Variants in SEPTIN2 observed in about 807,000 individuals in gnomAD.
The protein encoded by SEPTIN2 is septin-2.
Under a neutral mutation model 46.5 loss-of-function variants are expected in SEPTIN2, and 34 were observed. The ratio of observed to expected loss-of-function variants is 0.73; its 90% CI spans 0.56 to 0.97. The LOEUF is 0.97. Among genes scored for constraint, SEPTIN2 ranks in the 50% least tolerant of loss-of-function variants. The probability of loss-of-function intolerance (pLI) is 0.00; values close to 1 mark genes in which losing one functional copy is unlikely to be tolerated. For missense variants in SEPTIN2, 347 were observed against 448.4 expected, an observed-to-expected ratio of 0.77 and a Z score of 2.04; for synonymous variants, 175 against 153.4, an observed-to-expected ratio of 1.14 and a Z score of -1.04.
At chr2:241,345,097 G>A (rs897880557) in intron 9 of SEPTIN2, among the ~76,000 whole-genome samples, 5 of 151,802 alleles carry the variant, frequency 3.3e-5, no homozygotes, top group African/African-American at 1.2e-4. Flanking sequence ...TGGGCAACAA[G>A]AGCAAGACTT....
At chr2:241,350,437 C>G (rs2060682197) in intron 12 of SEPTIN2, among the ~76,000 whole-genome samples, 1 of 151,646 alleles carries the variant, frequency 6.6e-6, no homozygotes, top group Non-Finnish European at 1.5e-5. Context: ...TAAATAATTT[C>G]AACTTTTATT....
chr2:241,342,958 G>A, intron 7 of SEPTIN2, 34 bp from the exon 8 acceptor site: 1 of 1,227,256 alleles, frequency 8.1e-7, no homozygotes, highest in Non-Finnish European at 1.2e-6. Context: ...TACGCAGTTT[G>A]CTAAAATTGA....
At position 241,337,455 on chromosome 2, in the gene SEPTIN2, C is replaced by T. The variant is rs746517617; in HGVS notation, c.415C>T (p.Arg139Trp). 1.2e-6 allele frequency: 2 copies of T among 1,613,898 alleles called. No individual in the cohort carries two copies. The highest frequency in any genetic ancestry group is 1.7e-6 in the Non-Finnish European group (2 of 1,179,890). The change falls in exon 6 of 13, where the codon CGG becomes TGG. Residue 139 changes from arginine to tryptophan, a missense_variant. Coordinates refer to ENST00000391971, the MANE Select transcript of SEPTIN2 (RefSeq NM_004404.5). ...YLHDESGLNR[R>W]HIIDNRVHCC... ...GCATGACGAGAGCGGCTTGAACAGG[C>T]GGCACATCATTGATAATAGGGTGCA...
intron 1 of SEPTIN2, among the ~76,000 whole-genome samples, chr2:241,323,595 G>C (rs2077470601): frequency 6.6e-6 from 1 of 152,150 alleles, no homozygotes; most frequent in Admixed American, 6.5e-5. Flanking sequence ...AATGATAGAT[G>C]CTTGTCTTAT....
intron 3 of SEPTIN2, among the ~76,000 whole-genome samples, chr2:241,330,142 G>A (rs925718463): frequency 3.3e-5 from 5 of 151,966 alleles, no homozygotes; most frequent in Non-Finnish European, 7.4e-5. Context: ...AAATCTTACC[G>A]AGTCCAGCAA....
rs2060887050 is a variant in SEPTIN2, at chr2:241,352,915, G to A, written c.*978G>A. 1 of 152,188 alleles carries A rather than the reference G, an allele frequency of 6.6e-6. No homozygotes were observed. The highest frequency in any genetic ancestry group is 2.4e-5 in the African/African-American group (1 of 41,426). The allele number at this position is 152,188 out of a possible 1,614,324, so 9.4% of individuals were successfully genotyped here. The stretch of plus-strand genomic sequence containing the variant: ...TTTAGTGTATTTTCTGTCACTGTAG[G>A]TATAGAAGATCTGCCTCCCCTGTGG... On this transcript the variant is annotated 3_prime_UTR_variant, in exon 13 of 13. Transcript: ENST00000391971.
chr2:241,343,345 A>C (rs1273491687), intron 8 of SEPTIN2, among the ~76,000 whole-genome samples: 1 of 152,138 alleles, frequency 6.6e-6, no homozygotes, highest in East Asian at 1.9e-4. Context: ...TCAAAAATAC[A>C]AAAATTAGGT....
chr2:241,329,081 A>C (rs2078525424), intron 3 of SEPTIN2, among the ~76,000 whole-genome samples: 1 of 152,042 alleles, frequency 6.6e-6, no homozygotes, highest in South Asian at 2.1e-4. Context: ...GGGGAGTAGA[A>C]GTAATGTAAA....
At chr2:241,348,236 T>C in intron 11 of SEPTIN2, 45 bp downstream of exon 11, 1 of 1,563,940 alleles carries the variant, frequency 6.4e-7, no homozygotes, top group South Asian at 1.1e-5. Context: ...TTGGTTGTTT[T>C]GTTTGTTTTG....
intron 1 of SEPTIN2, chr2:241,316,396 T>TCCCGACAAACA: frequency 9.3e-7 from 1 of 1,073,024 alleles, no homozygotes; most frequent in Non-Finnish European, 1.3e-6. Context: ...ATCTTGTCTT[T>TCCCGACAAACA]CTAACGGTGC....
chr2:241,331,144 A>T (rs951032094), intron 3 of SEPTIN2, among the ~76,000 whole-genome samples: 9 of 152,180 alleles, frequency 5.9e-5, no homozygotes, highest in Non-Finnish European at 1.2e-4. Flanking sequence ...ATGCCACTGC[A>T]CTCCAGCCTG....
chr2:241,320,134 C>T (rs776323073), intron 1 of SEPTIN2: 3 of 442,292 alleles, frequency 6.8e-6, no homozygotes, highest in Non-Finnish European at 9.4e-6. Flanking sequence ...TTTCTTATGT[C>T]TCCATCTGGG....
At chr2:241,338,976 ATATAAATATATT>A (rs1388680445) in intron 7 of SEPTIN2, among the ~76,000 whole-genome samples, 1 of 110,556 alleles carries the variant, frequency 9.0e-6, no homozygotes, top group African/African-American at 3.6e-5. Context: ...TAAATATAAT[ATATAAATATATT>A]TATAAATATA....
chr2:241,325,589 CCATT>C (rs1435674713), intron 2 of SEPTIN2, among the ~76,000 whole-genome samples: 2 of 152,110 alleles, frequency 1.3e-5, no homozygotes, highest in Non-Finnish European at 2.9e-5. Flanking sequence ...TTGAATGAAA[CCATT>C]CATTCAAAGT....
chr2:241,324,146 A>G lies in SEPTIN2; in HGVS notation c.-17-70A>G, dbSNP rs1012725084. 3 of 1,432,236 alleles carry G rather than the reference A, an allele frequency of 2.1e-6. No homozygotes were observed. The South Asian group carries it at 3.7e-5, about 17-fold the overall frequency. 88.7% of individuals were successfully genotyped at this position (1,432,236 alleles called of 1,614,324 possible). On this transcript the variant is annotated intron_variant, in intron 1 of 12. Transcript: ENST00000391971. ...TTCTTCAGGTCAGTTCACGCTGTTA[A>G]ATATACGTGCGTATACATACATACT... is the stretch of plus-strand genomic sequence containing the variant.
intron 11 of SEPTIN2, 147 bp from the exon 12 acceptor site, chr2:241,349,926 T>C: frequency 1.5e-6 from 1 of 679,274 alleles, no homozygotes; most frequent in Non-Finnish European, 2.6e-6. Flanking sequence ...GCTTTTTTTA[T>C]TGATTGGTAA....
intron 3 of SEPTIN2, among the ~76,000 whole-genome samples, chr2:241,328,808 G>T (rs189563714): frequency 6.6e-6 from 1 of 151,802 alleles, no homozygotes; most frequent in African/African-American, 2.4e-5. Context: ...ATCACCTGAG[G>T]TGGCAAGTTC....
chr2:241,317,232 C>T (rs115829708), intron 1 of SEPTIN2, among the ~76,000 whole-genome samples: 1,888 of 152,314 alleles, frequency 0.012, 24 homozygotes, highest in Middle Eastern at 0.041. Flanking sequence ...CACCCAGCAT[C>T]CTAACTCATG....
At chr2:241,349,930 T>G (rs2060633727) in intron 11 of SEPTIN2, 143 bp from the exon 12 acceptor site, 6 of 694,904 alleles carry the variant, frequency 8.6e-6, no homozygotes, top group Non-Finnish European at 1.5e-5. Flanking sequence ...TTTTTATTGA[T>G]TGGTAAAAAG....
Sources: allele counts gnomAD v4.1 joint callset (sites outside exome capture counted in the v4.1 genomes callset), GRCh38; gene constraint gnomAD v4.1.1; transcripts MANE v1.5; gene names NCBI Gene and HGNC (gene_info 2026-07-23, HGNC 2026-07-21).